The following SYK variants were observed in gnomAD, a reference collection of about 807,000 sequenced individuals.
The protein encoded by SYK is spleen associated tyrosine kinase.
Under a neutral mutation model 77.8 loss-of-function variants are expected in SYK, and 16 were observed. That is an observed-to-expected ratio of 0.21 (90% CI 0.14 to 0.31). The LOEUF (loss-of-function observed/expected upper bound fraction) is 0.31, where lower values mean the gene tolerates loss of function less well. Ranked by LOEUF, SYK falls within the 10% of genes least tolerant of loss-of-function variation. The probability of loss-of-function intolerance (pLI) is 1.00; values close to 1 mark genes in which losing one functional copy is unlikely to be tolerated. For missense variants in SYK, 529 were observed against 814.4 expected (o/e 0.65, Z 4.26); for synonymous variants, 312 against 308.7 (o/e 1.01, Z -0.11).
At chr9:90,888,759 G>A (rs543346606) in intron 13 of SYK, 132 bp downstream of exon 13, 7 of 677,816 alleles carry the variant, frequency 1.0e-5, no homozygotes, top group East Asian at 3.0e-5. Context: ...AACAAACAAC[G>A]GTGGGGGCTG....
At position 90,888,517 on chromosome 9, in the gene SYK, G is replaced by T. The variant is rs201336985; in HGVS notation, c.1725G>T (p.Gly575=). 5.0e-6 allele frequency: 8 copies of T among 1,604,724 alleles called. No homozygotes were observed. Among genetic ancestry groups the T allele is most frequent in the Non-Finnish European group, 6.8e-6 (8 of 1,177,006 alleles). Reference sequence around the variant, plus strand: ...TATGCATATCTTGCATGTTGTAGGGGATGAAAGGAAGTGAAGTCACCGCTA... The same window carrying T: ...TATGCATATCTTGCATGTTGTAGGGTATGAAAGGAAGTGAAGTCACCGCTA... The part of the protein sequence containing the change: ...AFSYGQKPYR[G]MKGSEVTAML... Residue 575 remains glycine, a splice_region_variant and synonymous_variant, in exon 13 of 14, where the codon GGG becomes GGT. Transcript: ENST00000375754.
chr9:90,833,416 G>A (rs1220446833), intron 1 of SYK, among the ~76,000 whole-genome samples: 1 of 152,218 alleles, frequency 6.6e-6, no homozygotes, highest in Admixed American at 6.5e-5. Context: ...ACTCTAAGGT[G>A]GGACAGGGAG....
chr9:90,829,773 GTTTA>G (rs992694632), intron 1 of SYK, among the ~76,000 whole-genome samples: 9 of 152,196 alleles, frequency 5.9e-5, no homozygotes, highest in African/African-American at 1.7e-4. Context: ...TGGGCTGGTT[GTTTA>G]TTTATAACTA....
At chr9:90,840,372 C>G (rs140369985) in intron 1 of SYK, among the ~76,000 whole-genome samples, 3 of 151,908 alleles carry the variant, frequency 2.0e-5, no homozygotes, top group Non-Finnish European at 2.9e-5. Flanking sequence ...GTTGGAGGCC[C>G]GAGAAGACCC....
chr9:90,895,461 C>G lies in SYK; in HGVS notation c.1836-67C>G, dbSNP rs531050487. Reference sequence around the variant, plus strand: ...ACCACTGGTACTCAGCCTGCAGAGGCCCTGCTTGTGATCAGCAATTTTTCA... The same window carrying G: ...ACCACTGGTACTCAGCCTGCAGAGGGCCTGCTTGTGATCAGCAATTTTTCA... On this transcript the variant is annotated intron_variant, in intron 13 of 13. Coordinates refer to ENST00000375754, the MANE Select transcript of SYK (RefSeq NM_003177.7). This position sits in a 1 kb window ranked among gnomAD's most constrained non-coding sequence, Gnocchi z 4.4. 6.5e-7 allele frequency: 1 copy of G among 1,542,634 alleles called. No homozygotes were observed. The highest frequency in any genetic ancestry group is 1.7e-5 in the Admixed American group (1 of 59,764).
rs1177592522 is a variant in SYK at position 90,840,573 on chromosome 9, A to AT, written c.-41-3285_-41-3284insT. On this transcript the variant is annotated intron_variant, in intron 1 of 13. Transcript: ENST00000375754. ...CTCTTCTAAAAAAAAAAAAAAAAAA[A>AT]AAACTGTAGAAAGGGGAAAGCAGTC... Among the ~76,000 whole-genome samples the AT allele has an allele frequency of 6.5e-3, 979 of 151,738 alleles. 9 individuals are homozygous for AT. The highest frequency in any genetic ancestry group is 0.023 in the African/African-American group (938 of 41,314).
chr9:90,812,741 A>ATGTGTGTGTGTGTATGTGTGTG (rs1554704336), intron 1 of SYK, among the ~76,000 whole-genome samples: 10 of 109,956 alleles, frequency 9.1e-5, no homozygotes, highest in African/African-American at 3.2e-4. Flanking sequence ...CCCATTTGAT[A>ATGTGTGTGTGTGTATGTGTGTG]TGTGTGTGTG....
intron 1 of SYK, among the ~76,000 whole-genome samples, chr9:90,841,554 GGTGTAGTGTGTGTGATGT>G (rs1826340556): frequency 9.5e-6 from 1 of 105,266 alleles, no homozygotes; most frequent in African/African-American, 3.3e-5. Flanking sequence ...GTATGTGTGT[GGTGTAGTGTGTGTGATGT>G]GTGTAGTGTG....
At chr9:90,864,274 C>T (rs1159479774) in intron 4 of SYK, among the ~76,000 whole-genome samples, 1 of 152,150 alleles carries the variant, frequency 6.6e-6, no homozygotes, top group African/African-American at 2.4e-5. Flanking sequence ...GGTTTGTATG[C>T]TGTTAAAGGT....
At position 90,844,033 on chromosome 9, in the gene SYK, C is replaced by T. The variant is rs201774526; in HGVS notation, c.135C>T (p.Arg45=). The T allele has an allele frequency of 5.6e-6, 9 of 1,612,750 alleles. No homozygotes were observed. The South Asian group carries it at 7.7e-5, about 14-fold the overall frequency. The change falls in exon 2 of 14, where the codon CGC becomes CGT. Residue 45 remains arginine (R), a synonymous_variant. Coordinates refer to ENST00000375754, the MANE Select transcript of SYK (RefSeq NM_003177.7). ...SDGLYLLRQS[R]NYLGGFALSV... ...GGCTTTATTTGCTGCGCCAGAGCCG[C>T]AACTACCTGGGTGGCTTCGCCCTGT... is the stretch of plus-strand genomic sequence containing the variant.
chr9:90,821,330 G>A (rs1417168346), intron 1 of SYK, among the ~76,000 whole-genome samples: 5 of 152,128 alleles, frequency 3.3e-5, no homozygotes, highest in Non-Finnish European at 7.3e-5. Context: ...TTTTCACATT[G>A]CTGATAAAGA....
chr9:90,888,538 C>T lies in SYK; in HGVS notation c.1746C>T (p.Thr582=), dbSNP rs139024468. The T allele has an allele frequency of 8.3e-5, 134 of 1,611,808 alleles. No homozygotes were observed. In the East Asian group the frequency reaches 1.8e-3, roughly 22 times the overall value. The change falls in exon 13 of 14, where the codon ACC becomes ACT. Residue 582 remains threonine, a synonymous_variant. Coordinates refer to ENST00000375754, the MANE Select transcript of SYK (RefSeq NM_003177.7). ...PYRGMKGSEV[T]AMLEKGERMG... is the part of the protein sequence containing the mutation. ...AGGGGATGAAAGGAAGTGAAGTCAC[C>T]GCTATGTTAGAGAAAGGAGAGCGGA...
At chr9:90,868,933 A>T (rs1827622127) in intron 7 of SYK, among the ~76,000 whole-genome samples, 1 of 152,250 alleles carries the variant, frequency 6.6e-6, no homozygotes, top group Non-Finnish European at 1.5e-5. Flanking sequence ...AATTGGTTAC[A>T]GTAAAATTGC....
intron 6 of SYK, among the ~76,000 whole-genome samples, chr9:90,866,678 A>G (rs55724093): frequency 0.057 from 8,665 of 152,312 alleles, 289 homozygotes; most frequent in South Asian, 0.16. Context: ...ATTGACTGGT[A>G]AGATACATAC....
At chr9:90,853,591 AATC>A (rs1470201968) in intron 3 of SYK, among the ~76,000 whole-genome samples, 2 of 152,142 alleles carry the variant, frequency 1.3e-5, no homozygotes, top group African/African-American at 2.4e-5. Context: ...TGAAATTGGA[AATC>A]ATCATTCTCA....
intron 6 of SYK, among the ~76,000 whole-genome samples, chr9:90,866,256 C>G (rs1208337176): frequency 1.3e-5 from 2 of 152,160 alleles, no homozygotes; most frequent in African/African-American, 4.8e-5. Context: ...CTGCACCTCA[C>G]TTTTTGCCTG....
intron 1 of SYK, among the ~76,000 whole-genome samples, chr9:90,806,489 C>G (rs1824840968): frequency 6.6e-6 from 1 of 152,232 alleles, no homozygotes; most frequent in South Asian, 2.1e-4. Context: ...CTTGCCTCAG[C>G]CTCCCAAAGT....
At chr9:90,867,504 G>A (rs1827553432) in intron 7 of SYK, among the ~76,000 whole-genome samples, 1 of 152,202 alleles carries the variant, frequency 6.6e-6, no homozygotes, top group African/African-American at 2.4e-5. Flanking sequence ...TAATTATCAT[G>A]TCCGAAAATC....
intron 8 of SYK, among the ~76,000 whole-genome samples, 185 bp from the exon 9 acceptor site, chr9:90,874,487 A>C (rs1463822789): frequency 6.6e-6 from 1 of 152,194 alleles, no homozygotes; most frequent in African/African-American, 2.4e-5. Flanking sequence ...ATTGAATGAA[A>C]TGGTCTTTCC....
Sources: allele counts gnomAD v4.1 joint callset (sites outside exome capture counted in the v4.1 genomes callset), GRCh38; gene constraint gnomAD v4.1.1; non-coding constraint Gnocchi (gnomAD v3.1); transcripts MANE v1.5; gene names NCBI Gene and HGNC (gene_info 2026-07-23, HGNC 2026-07-21).